SFTPD: variants seen among roughly 807,000 people sequenced by gnomAD.
SFTPD encodes pulmonary surfactant-associated protein D.
SFTPD carries 18 observed loss-of-function variants against 34.6 expected under a neutral mutation model. The observed-to-expected ratio is 0.52, with a 90% CI of 0.36 to 0.77. SFTPD has a LOEUF of 0.77. SFTPD is among the 30% of genes least tolerant of loss of function. The pLI is 0.00. For missense variants in SFTPD, 433 were observed against 468.9 expected (o/e 0.92, Z 0.71); for synonymous variants, 155 against 180.9 (o/e 0.86, Z 1.15).
chr10:79,943,639 G>A (rs527708567), intron 2 of SFTPD, among the ~76,000 whole-genome samples: 125 of 152,158 alleles, frequency 8.2e-4, no homozygotes, highest in Non-Finnish European at 1.6e-3. Flanking sequence ...TGTGGTTGTG[G>A]GTAAATTTGC....
chr10:79,963,580 A>G (rs1351336414), intron 1 of SFTPD, among the ~76,000 whole-genome samples: 1 of 152,064 alleles, frequency 6.6e-6, no homozygotes, highest in East Asian at 1.9e-4. Flanking sequence ...TTGCATTTCT[A>G]TGATTATTAG....
intron 7 of SFTPD, among the ~76,000 whole-genome samples, chr10:79,938,709 G>A (rs575213937): frequency 6.6e-6 from 1 of 152,312 alleles, no homozygotes; most frequent in South Asian, 2.1e-4. Flanking sequence ...ACAACAGTAG[G>A]GGATGTGGGG....
intron 1 of SFTPD, among the ~76,000 whole-genome samples, chr10:79,980,159 A>G (rs2132530651): frequency 6.6e-6 from 1 of 152,328 alleles, no homozygotes; most frequent in East Asian, 1.9e-4. Context: ...GATGAGACTC[A>G]GTACCTTGCT....
intron 1 of SFTPD, among the ~76,000 whole-genome samples, chr10:79,963,269 T>G (rs550218656): frequency 1.3e-5 from 2 of 151,884 alleles, no homozygotes; most frequent in East Asian, 3.9e-4. Flanking sequence ...GAGGATCAAT[T>G]GAACCCAGGA....
At chr10:79,954,170 G>A (rs1369944878) in intron 1 of SFTPD, among the ~76,000 whole-genome samples, 2 of 111,540 alleles carry the variant, frequency 1.8e-5, no homozygotes, top group Non-Finnish European at 1.8e-5. Flanking sequence ...GGTTTGGTTT[G>A]GTTCATTTCT....
chr10:79,955,726 G>GA (rs1423554125), intron 1 of SFTPD, among the ~76,000 whole-genome samples: 3 of 152,314 alleles, frequency 2.0e-5, no homozygotes, highest in African/African-American at 7.2e-5. Flanking sequence ...GAGAGTGCTT[G>GA]AAACTACCTT....
At chr10:79,946,711 A>T (rs753444681) in intron 1 of SFTPD, 49 bp from the exon 2 acceptor site, 105 of 1,543,768 alleles carry the variant, frequency 6.8e-5, no homozygotes, top group Non-Finnish European at 8.8e-5. Flanking sequence ...CTTCATGGAC[A>T]TGGTTTAGGG....
intron 1 of SFTPD, among the ~76,000 whole-genome samples, chr10:79,978,938 A>G (rs531133211): frequency 6.6e-6 from 1 of 152,302 alleles, no homozygotes; most frequent in South Asian, 2.1e-4. Context: ...AGATTACATT[A>G]TCTTATATTT....
intron 1 of SFTPD, among the ~76,000 whole-genome samples, chr10:79,955,067 G>C (rs1842731220): frequency 6.6e-6 from 1 of 152,070 alleles, no homozygotes; most frequent in Non-Finnish European, 1.5e-5. Flanking sequence ...CAGAGCTTGG[G>C]GCCTTCGCAG....
In SFTPD at chr10:79,964,966, A is replaced by G. The variant is rs577939828; in HGVS notation, c.36+17609T>C. ...GGCCTTCCCACCTCTATACAGTCCA[A>G]TAATGGACCAGCCTTTATTAGTCAA... On this transcript the variant is annotated intron_variant, in intron 1 of 5. Coordinates refer to the SFTPD transcript ENST00000444384. Among the ~76,000 whole-genome samples the G allele has an allele frequency of 9.8e-5, 15 of 152,296 alleles. No individual in the cohort carries two copies. In the South Asian group the frequency reaches 3.1e-3, roughly 32 times the overall value.
chr10:79,944,090 T>C (rs1234179236), intron 2 of SFTPD, among the ~76,000 whole-genome samples: 2 of 152,232 alleles, frequency 1.3e-5, no homozygotes, highest in Non-Finnish European at 2.9e-5. Flanking sequence ...GACCTAGACC[T>C]GCACCCGAGT....
chr10:79,950,930 G>A (rs1357979899), upstream of SFTPD: 3 of 151,812 alleles, frequency 2.0e-5, no homozygotes, highest in South Asian at 2.1e-4. Context: ...CAAATGACTG[G>A]CCTTCAGGCT....
chr10:79,966,916 G>A (rs893596148), intron 1 of SFTPD, among the ~76,000 whole-genome samples: 3 of 147,608 alleles, frequency 2.0e-5, no homozygotes, highest in Admixed American at 1.3e-4. Context: ...CTCTCTCACT[G>A]CTCCTATTCA....
intron 1 of SFTPD, chr10:79,968,628 GAA>G (rs1362229879): frequency 1.3e-5 from 2 of 152,108 alleles, no homozygotes; most frequent in Non-Finnish European, 1.5e-5. Context: ...ATGAATATAT[GAA>G]TGCATGTGTC....
chr10:79,942,942 C>T (rs1027232764), intron 2 of SFTPD, 63 bp from the exon 3 acceptor site: 1 of 1,005,228 alleles, frequency 9.9e-7, no homozygotes, highest in Non-Finnish European at 1.6e-6. Flanking sequence ...CAGCCTCCTG[C>T]AGGATCAGCC....
chr10:79,957,674 T>C (rs10788329), intron 1 of SFTPD, among the ~76,000 whole-genome samples: 22,283 of 152,216 alleles, frequency 0.15, 2,062 homozygotes, highest in East Asian at 0.41. Flanking sequence ...CTATGTCTGA[T>C]TGGTGTACCT....
intron 2 of SFTPD, among the ~76,000 whole-genome samples, chr10:79,944,749 G>T (rs1564529898): frequency 6.6e-6 from 1 of 152,102 alleles, no homozygotes; most frequent in Non-Finnish European, 1.5e-5. Context: ...ATAAGGAATT[G>T]TTCCCCACAA....
Position 79,959,948 on chromosome 10 carries a change from T to C in SFTPD, c.37-13286A>G, listed in dbSNP as rs1243176974. ...AGCACGTCAAAAAGCTTATCCACCA[T>C]GATCAAGTGGGCTTCATCCCTGGGA... On this transcript the variant is annotated intron_variant, in intron 1 of 5. Transcript: ENST00000444384. 3.3e-5 allele frequency among the ~76,000 whole-genome samples: 5 copies of C among 152,262 alleles called. No homozygotes were observed. The South Asian group carries it at 1.0e-3, about 32-fold the overall frequency.
At chr10:79,960,877 G>A (rs1367819920) in intron 1 of SFTPD, among the ~76,000 whole-genome samples, 1 of 152,116 alleles carries the variant, frequency 6.6e-6, no homozygotes, top group Non-Finnish European at 1.5e-5. Context: ...GAGGCATCAT[G>A]CTACCTGACT....
Sources: gnomAD v4.1 joint callset for allele counts (sites outside exome capture counted in the v4.1 genomes callset) on GRCh38, gnomAD v4.1.1 for gene constraint, MANE v1.5 for transcripts, NCBI Gene and HGNC (gene_info 2026-07-23, HGNC 2026-07-21) for gene names.